TERT: variants seen among roughly 807,000 people sequenced by gnomAD.
TERT encodes telomerase reverse transcriptase, also known as telomerase catalytic subunit.
TERT carries 42 observed loss-of-function variants against 104.0 expected under a neutral mutation model. The ratio of observed to expected loss-of-function variants is 0.40; its 90% CI spans 0.32 to 0.52. The LOEUF is 0.52. Ranked by LOEUF, TERT falls within the 20% of genes least tolerant of loss-of-function variation. The pLI is 0.43. For synonymous variants in TERT, 781 were observed against 725.6 expected, an observed-to-expected ratio of 1.08 and a Z score of -1.23; for missense variants, 1,101 against 1,610.3, an observed-to-expected ratio of 0.68 and a Z score of 5.41.
rs538368302 is a variant in TERT at position 1,263,823 on chromosome 5, G to A, written c.2843+581C>T. Among the ~76,000 whole-genome samples, 3 of 152,308 alleles carry A rather than the reference G, an allele frequency of 2.0e-5. No individual in the cohort carries two copies. The South Asian group carries it at 6.2e-4, about 32-fold the overall frequency. On this transcript the variant is annotated intron_variant, in intron 11 of 15. Coordinates refer to ENST00000310581, the MANE Select transcript of TERT (RefSeq NM_198253.3). This position sits in a 1 kb window ranked among gnomAD's most constrained non-coding sequence, Gnocchi z 5.3. The stretch of plus-strand genomic sequence containing the variant: ...GGGCCTTGAGCTCTCGGGCTCTGGG[G>A]AAACAAGACCCCAGAATTTTGTAGA...
At chr5:1,291,645 C>CGCGCCTCACTCACCCTATACGTGACAGGG (rs1750984489) in intron 2 of TERT, among the ~76,000 whole-genome samples, 2 of 143,716 alleles carry the variant, frequency 1.4e-5, no homozygotes, top group Admixed American at 7.0e-5. Context: ...ACCCGGGGGC[C>CGCGCCTCACTCACCCTATACGTGACAGGG]ACACCTCAAT....
chr5:1,292,528 T>A lies in TERT; in HGVS notation c.1573+785A>T, dbSNP rs113118176. Reference sequence around the variant, plus strand: ...ACAATCAACGAACACTTTTTTTTTTTAAAGACAGAGTTTCACTCTTGTCGC... The same window carrying A: ...ACAATCAACGAACACTTTTTTTTTTAAAAGACAGAGTTTCACTCTTGTCGC... On this transcript the variant is annotated intron_variant, in intron 2 of 15. Coordinates refer to ENST00000310581, the MANE Select transcript of TERT (RefSeq NM_198253.3). The surrounding 1 kb of genome is among the most constrained non-coding windows in gnomAD (Gnocchi z 5.5). Among the ~76,000 whole-genome samples, 83 of 150,846 alleles carry A rather than the reference T, an allele frequency of 5.5e-4. No individual in the cohort carries two copies. Among genetic ancestry groups the A allele is most frequent in the Admixed American group, 1.6e-3 (25 of 15,218 alleles).
At position 1,265,600 on chromosome 5, in the gene TERT, G is replaced by A. The variant is rs994285167; in HGVS notation, c.2654+864C>T. Among the ~76,000 whole-genome samples the A allele has an allele frequency of 1.2e-4, 18 of 152,052 alleles. 1 individual carries two copies. The highest frequency in any genetic ancestry group is 4.3e-4 in the African/African-American group (18 of 41,414). On this transcript the variant is annotated intron_variant, in intron 10 of 15. Transcript: ENST00000310581. The surrounding 1 kb of genome is among the most constrained non-coding windows in gnomAD (Gnocchi z 6.9). Reference sequence around the variant, plus strand: ...ATGTGCACAGCCTGCTGTGCTCCGGGCTGCGGCACAAGGAACGCCAGGCAT... The same window carrying A: ...ATGTGCACAGCCTGCTGTGCTCCGGACTGCGGCACAAGGAACGCCAGGCAT...
At chr5:1,284,410 G>A (rs11954060) in intron 2 of TERT, among the ~76,000 whole-genome samples, 74 of 15,948 alleles carry the variant, frequency 4.6e-3, no homozygotes, top group East Asian at 6.8e-3. Context: ...TGCACCATCC[G>A]GACACCGCAT....
chr5:1,288,773 G>A lies in TERT; in HGVS notation c.1573+4540C>T, dbSNP rs1264491789. Among the ~76,000 whole-genome samples the A allele has an allele frequency of 1.3e-5, 2 of 152,210 alleles. No individual in the cohort carries two copies. Among genetic ancestry groups the A allele is most frequent in the African/African-American group, 4.8e-5 (2 of 41,452 alleles). ...CTCGGCATGAGACAAGCTGGGAGAG[G>A]AGTATTGGCAGCATGCATGTGGCGG... On this transcript the variant is annotated intron_variant, in intron 2 of 15. Coordinates refer to ENST00000310581, the MANE Select transcript of TERT (RefSeq NM_198253.3). This position sits in a 1 kb window ranked among gnomAD's most constrained non-coding sequence, Gnocchi z 5.3.
In TERT at chr5:1,274,135, G is replaced by T. The variant is rs1489938783; in HGVS notation, c.2287-1855C>A. 6.6e-6 allele frequency among the ~76,000 whole-genome samples: 1 copy of T among 152,212 alleles called. No individual in the cohort carries two copies. The highest frequency in any genetic ancestry group is 2.4e-5 in the African/African-American group (1 of 41,452). On this transcript the variant is annotated intron_variant, in intron 6 of 15. Transcript: ENST00000310581. The surrounding 1 kb of genome is among the most constrained non-coding windows in gnomAD (Gnocchi z 5.3). ...TGTGAGGCATCAAAAGACGCGCACGGTGACTCTGTGCTTCAGCATGTTCCC... is the reference window on the plus strand; with the variant it reads ...TGTGAGGCATCAAAAGACGCGCACGTTGACTCTGTGCTTCAGCATGTTCCC...
intron 12 of TERT, among the ~76,000 whole-genome samples, chr5:1,259,557 G>C (rs1227571915): frequency 3.0e-5 from 4 of 134,010 alleles, no homozygotes; most frequent in African/African-American, 5.7e-5. Flanking sequence ...GCCCACAGGA[G>C]AGGGAGTGGA....
chr5:1,278,796 C>A lies in TERT; in HGVS notation c.2131G>T (p.Val711Leu). 1 of 1,614,054 alleles carries A rather than the reference C, an allele frequency of 6.2e-7. No individual in the cohort carries two copies. Among genetic ancestry groups the A allele is most frequent in the Non-Finnish European group, 8.5e-7 (1 of 1,180,040 alleles). The change falls in exon 6 of 16, where the codon GTG becomes TTG. Residue 711 changes from valine to leucine, a missense_variant and splice_region_variant. Physicochemically the swap from Val to Leu is conservative, Grantham distance 32 (BLOSUM62 1). Coordinates refer to ENST00000310581, the MANE Select transcript of TERT (RefSeq NM_198253.3). Reference protein sequence around the residue: ...DPPPELYFVKVDVTGAYDTIP... With the variant: ...DPPPELYFVKLDVTGAYDTIP... ...GTGTCGTACGCGCCCGTCACATCCA[C>A]CTGTGTGAGTGGAGGCGAGGAGACT... is the stretch of plus-strand genomic sequence containing the variant.
intron 2 of TERT, among the ~76,000 whole-genome samples, chr5:1,293,010 C>CA (rs1430544901): frequency 3.9e-5 from 6 of 152,242 alleles, no homozygotes; most frequent in Non-Finnish European, 2.9e-5. Flanking sequence ...ACACTTCTCC[C>CA]CATTGCCGGC....
At position 1,278,677 on chromosome 5, in the gene TERT, G is replaced by A. The variant is rs941567959; in HGVS notation, c.2250C>T (p.Ala750=). Residue 750 remains alanine (A), a synonymous_variant, in exon 6 of 16, where the codon GCC becomes GCT. Transcript: ENST00000310581. ...AGGCCTTGCGGACGTGCCCATGGGC[G>A]GCCTTCTGGACCACGGCATACCGAC... ...CVRRYAVVQK[A]AHGHVRKAFK... The A allele has an allele frequency of 3.7e-6, 6 of 1,614,032 alleles. No individual in the cohort carries two copies. Among genetic ancestry groups the A allele is most frequent in the East Asian group, 2.2e-5 (1 of 44,904 alleles).
Position 1,289,000 on chromosome 5 carries a change from G to A in TERT, c.1573+4313C>T, listed in dbSNP as rs918646162. On this transcript the variant is annotated intron_variant, in intron 2 of 15. Transcript: ENST00000310581. This position sits in a 1 kb window ranked among gnomAD's most constrained non-coding sequence, Gnocchi z 5.3. ...GCCTGCACCATCTACCCAGGCAATG[G>A]GCAACCGGCGCAGCTGTGGCTATAG... Among the ~76,000 whole-genome samples the A allele has an allele frequency of 3.3e-5, 5 of 152,170 alleles. No homozygotes were observed. The highest frequency in any genetic ancestry group is 2.6e-4 in the Admixed American group (4 of 15,282).
At chr5:1,275,777 C>A (rs1268426001) in intron 6 of TERT, among the ~76,000 whole-genome samples, 1 of 130,914 alleles carries the variant, frequency 7.6e-6, no homozygotes, top group Non-Finnish European at 1.7e-5. Context: ...AGATCTCCAC[C>A]TACCCCACAC....
rs964888771 is a variant in TERT at position 1,287,635 on chromosome 5, T to C, written c.1574-5011A>G. 6.6e-6 allele frequency among the ~76,000 whole-genome samples: 1 copy of C among 151,738 alleles called. No individual in the cohort carries two copies. Among genetic ancestry groups the C allele is most frequent in the African/African-American group, 2.4e-5 (1 of 41,268 alleles). ...AAGAATTACTAGATTACTAGAGACA[T>C]AGAAGTCTCCAAAAGATTCACTCAT... is the stretch of plus-strand genomic sequence containing the variant. On this transcript the variant is annotated intron_variant, in intron 2 of 15. Coordinates refer to ENST00000310581, the MANE Select transcript of TERT (RefSeq NM_198253.3). The surrounding 1 kb of genome is among the most constrained non-coding windows in gnomAD (Gnocchi z 4.3).
At chr5:1,277,249 C>T (rs1749662358) in intron 6 of TERT, among the ~76,000 whole-genome samples, 1 of 152,222 alleles carries the variant, frequency 6.6e-6, no homozygotes, top group South Asian at 2.1e-4. Flanking sequence ...CACAACATCC[C>T]TAAAGCACGT....
chr5:1,280,401 G>A (rs930863361), intron 3 of TERT, 63 bp from the exon 4 acceptor site: 61 of 1,558,760 alleles, frequency 3.9e-5, no homozygotes, highest in East Asian at 1.6e-4. Flanking sequence ...GGAAGCTCAC[G>A]GGAAGCCACA....
Position 1,274,830 on chromosome 5 carries a change from A to G in TERT, c.2287-2550T>C, listed in dbSNP as rs928963862. Among the ~76,000 whole-genome samples the G allele has an allele frequency of 2.0e-5, 3 of 152,242 alleles. No individual in the cohort carries two copies. The highest frequency in any genetic ancestry group is 4.4e-5 in the Non-Finnish European group (3 of 68,042). ...AGAAAAGAAAGTTCAAACATCCATA[A>G]TCGAAACTTTTCCTTCAAGGAGCCG... On this transcript the variant is annotated intron_variant, in intron 6 of 15. Coordinates refer to ENST00000310581, the MANE Select transcript of TERT (RefSeq NM_198253.3). The surrounding 1 kb of genome is among the most constrained non-coding windows in gnomAD (Gnocchi z 5.3).
At position 1,255,263 on chromosome 5, in the gene TERT, C is replaced by T; in HGVS notation, c.3157+24G>A. 6.2e-7 allele frequency: 1 copy of T among 1,612,276 alleles called. No homozygotes were observed. Among genetic ancestry groups the T allele is most frequent in the East Asian group, 2.2e-5 (1 of 44,834 alleles). On this transcript the variant is annotated intron_variant, in intron 14 of 15. Transcript: ENST00000310581. The surrounding 1 kb of genome is among the most constrained non-coding windows in gnomAD (Gnocchi z 6.9). ...CACCAGCAGGCAGGCACTGCTGCCA[C>T]TGAGGCCAGGCACCTGCACATACCT...
chr5:1,276,698 T>C (rs1227880958), intron 6 of TERT, among the ~76,000 whole-genome samples: 5 of 45,952 alleles, frequency 1.1e-4, no homozygotes, highest in Non-Finnish European at 4.6e-4. Context: ...GAAAACCAAT[T>C]CCACCAATCC....
chr5:1,260,327 T>C, intron 12 of TERT, 147 bp downstream of exon 12: 1 of 1,278,990 alleles, frequency 7.8e-7, no homozygotes, highest in Non-Finnish European at 1.1e-6. Context: ...CACACATGTA[T>C]GTGCTCACGT....
Sources: gnomAD v4.1 joint callset for allele counts (sites outside exome capture counted in the v4.1 genomes callset) on GRCh38, gnomAD v4.1.1 for gene constraint, Gnocchi (gnomAD v3.1) non-coding constraint, MANE v1.5 for transcripts, NCBI Gene and HGNC (gene_info 2026-07-23, HGNC 2026-07-21) for gene names.